The following DMD variants were observed in gnomAD, a reference collection of about 807,000 sequenced individuals.
DMD encodes mutant dystrophin.
A neutral mutation model predicts 330.1 loss-of-function variants in DMD; 63 were observed. That is an observed-to-expected ratio of 0.19 (90% CI 0.16 to 0.24). The LOEUF (loss-of-function observed/expected upper bound fraction) is 0.24. Among genes scored for constraint, DMD ranks in the 10% least tolerant of loss-of-function variants. DMD has a pLI of 1.00. For missense variants in DMD, 3,344 were observed against 2,684.1 expected (o/e 1.25, Z -5.43); for synonymous variants, 1,223 against 959.8 (o/e 1.27, Z -5.07).
chrX:31,287,264 A>G (rs1421402895), intron 62 of DMD, among the ~76,000 whole-genome samples: 1 of 111,958 alleles, frequency 8.9e-6, no homozygotes, highest in Non-Finnish European at 1.9e-5. Context: ...GTGACCTTAG[A>G]ACATCTGTAC....
chrX:31,618,403 G>A (rs1229849718), intron 55 of DMD, among the ~76,000 whole-genome samples: 1 of 111,697 alleles, frequency 9.0e-6, no homozygotes, highest in Non-Finnish European at 1.9e-5. Context: ...ATGAGGACTT[G>A]ATAAAAATAT....
At position 31,204,105 on chromosome X, in the gene DMD, T is replaced by C. The variant is rs1228553196; in HGVS notation, c.9663A>G (p.Gln3221=). 4 of 1,211,158 alleles carry C rather than the reference T, an allele frequency of 3.3e-6. No individual in the cohort carries two copies. ...LEDKYRYLFK[Q]VASSTGFCDQ... ...CACAAAATCCTGTTGAACTTGCCACTTGCTTGAAAAGGTCTACAAAGGAAG... is the reference window on the plus strand; with the variant it reads ...CACAAAATCCTGTTGAACTTGCCACCTGCTTGAAAAGGTCTACAAAGGAAG... Residue 3221 remains glutamine, a synonymous_variant, in exon 67 of 79, where the codon CAA becomes CAG. Transcript: ENST00000357033.
intron 42 of DMD, among the ~76,000 whole-genome samples, chrX:32,300,175 A>G (rs895012011): frequency 6.2e-5 from 7 of 112,050 alleles, no homozygotes; most frequent in African/African-American, 2.3e-4. Flanking sequence ...GAACTTGCTT[A>G]TGAAAATCCA....
chrX:31,237,194 G>A (rs1481549672), intron 63 of DMD, among the ~76,000 whole-genome samples: 1 of 112,519 alleles, frequency 8.9e-6, no homozygotes, highest in African/African-American at 3.2e-5. Context: ...CATTGTTTGG[G>A]TTTTGTTGAT....
chrX:32,557,177 G>T (rs1030909724), intron 16 of DMD, among the ~76,000 whole-genome samples: 1 of 111,184 alleles, frequency 9.0e-6, no homozygotes, highest in Admixed American at 9.6e-5. Flanking sequence ...AAACTTTTTA[G>T]TAGCAAAGCA....
At chrX:32,498,891 A>G (rs1193846859) in intron 19 of DMD, among the ~76,000 whole-genome samples, 1 of 111,553 alleles carries the variant, frequency 9.0e-6, no homozygotes, top group Non-Finnish European at 1.9e-5. Flanking sequence ...TAAATTTTGT[A>G]CTTTCAACAA....
chrX:31,938,357 G>C (rs1157644645), intron 45 of DMD, among the ~76,000 whole-genome samples: 1 of 111,661 alleles, frequency 9.0e-6, no homozygotes, highest in Non-Finnish European at 1.9e-5. Context: ...CAAGTTTTTT[G>C]ATCACCTTTA....
intron 55 of DMD, among the ~76,000 whole-genome samples, chrX:31,593,420 A>G (rs1267851602): frequency 9.0e-6 from 1 of 111,531 alleles, no homozygotes; most frequent in Non-Finnish European, 1.9e-5. Context: ...GAACACCAAT[A>G]AAATAAAACT....
chrX:31,223,202 C>T (rs1271040554), intron 63 of DMD, 81 bp from the exon 64 acceptor site: 1 of 836,397 alleles, frequency 1.2e-6, no homozygotes. Context: ...AGTGATTTGC[C>T]AATAACTACA....
intron 44 of DMD, among the ~76,000 whole-genome samples, chrX:32,176,572 A>G (rs773124413): frequency 4.5e-5 from 5 of 111,889 alleles, no homozygotes; most frequent in African/African-American, 1.6e-4. Flanking sequence ...ATGTATTCAT[A>G]TCAGTAAAGT....
chrX:32,587,100 C>A (rs2054374750), intron 13 of DMD, among the ~76,000 whole-genome samples: 1 of 111,447 alleles, frequency 9.0e-6, no homozygotes, highest in African/African-American at 3.3e-5. Context: ...ATAAAATTTT[C>A]TTTCTCATAC....
At chrX:32,534,301 G>C (rs1256937286) in intron 17 of DMD, among the ~76,000 whole-genome samples, 1 of 111,568 alleles carries the variant, frequency 9.0e-6, no homozygotes. Context: ...GTAAACTCCA[G>C]TGCTGGAAAT....
chrX:31,608,531 G>T (rs933621779), intron 55 of DMD, among the ~76,000 whole-genome samples: 1 of 111,659 alleles, frequency 9.0e-6, no homozygotes, highest in Non-Finnish European at 1.9e-5. Flanking sequence ...TTTTCAATAT[G>T]CATTTAGGAA....
At chrX:33,322,594 C>A (rs1319950670) in intron 1 of DMD, among the ~76,000 whole-genome samples, 2 of 111,401 alleles carry the variant, frequency 1.8e-5, no homozygotes, top group Admixed American at 9.6e-5. Context: ...GGGCAGAAAT[C>A]ATTTCTGATT....
At chrX:31,780,990 C>T (rs2090980430) in intron 50 of DMD, among the ~76,000 whole-genome samples, 1 of 111,706 alleles carries the variant, frequency 9.0e-6, no homozygotes, top group African/African-American at 3.2e-5. Flanking sequence ...ATTTTTAAAG[C>T]TTAATGGTGC....
intron 43 of DMD, among the ~76,000 whole-genome samples, chrX:32,249,877 A>T (rs2148153485): frequency 9.0e-6 from 1 of 111,730 alleles, no homozygotes; most frequent in South Asian, 3.8e-4. Flanking sequence ...CCTTGGCTGC[A>T]TCACCTAGCC....
intron 2 of DMD, among the ~76,000 whole-genome samples, chrX:32,869,697 G>T (rs1470554325): frequency 9.1e-6 from 1 of 109,803 alleles, no homozygotes; most frequent in Non-Finnish European, 1.9e-5. Flanking sequence ...CAAGATTAGA[G>T]AAAAAAGAAT....
chrX:32,586,571 A>G (rs1453311913), intron 13 of DMD, among the ~76,000 whole-genome samples: 1 of 110,228 alleles, frequency 9.1e-6, no homozygotes, highest in Non-Finnish European at 1.9e-5. Context: ...ATTTGCATGA[A>G]TGAGTTAAAT....
chrX:31,391,398 C>G (rs756399443), intron 60 of DMD, among the ~76,000 whole-genome samples: 69 of 110,900 alleles, frequency 6.2e-4, no homozygotes, highest in African/African-American at 1.9e-3. Flanking sequence ...TGAGCCACTG[C>G]GCCTGGAGCA....
Sources: allele counts gnomAD v4.1 joint callset (sites outside exome capture counted in the v4.1 genomes callset), GRCh38; gene constraint gnomAD v4.1.1; transcripts MANE v1.5; gene names NCBI Gene and HGNC (gene_info 2026-07-23, HGNC 2026-07-21).